The following PDE11A variants were observed in gnomAD, a reference collection of about 807,000 sequenced individuals.
PDE11A encodes dual 3',5'-cyclic-AMP and -GMP phosphodiesterase 11A.
Under a neutral mutation model 100.5 loss-of-function variants are expected in PDE11A, and 100 were observed. The ratio of observed to expected loss-of-function variants is 1.00; its 90% CI spans 0.85 to 1.18. The LOEUF (loss-of-function observed/expected upper bound fraction) is 1.18, where lower values mean the gene tolerates loss of function less well. Among genes scored for constraint, PDE11A ranks in the 50% most tolerant of loss-of-function variants. PDE11A has a pLI of 0.00. For synonymous variants in PDE11A, 381 were observed against 420.8 expected, an observed-to-expected ratio of 0.91 and a Z score of 1.16; for missense variants, 1,141 against 1,152.6, an observed-to-expected ratio of 0.99 and a Z score of 0.15.
At chr2:177,829,497 G>A (rs1432562552) in intron 6 of PDE11A, among the ~76,000 whole-genome samples, 1 of 151,944 alleles carries the variant, frequency 6.6e-6, no homozygotes, top group Admixed American at 6.6e-5. Flanking sequence ...AGGCTGGAAT[G>A]CAGTGGCATG....
intron 4 of PDE11A, among the ~76,000 whole-genome samples, chr2:177,890,441 C>A (rs2084512060): frequency 6.6e-6 from 1 of 152,180 alleles, no homozygotes; most frequent in Non-Finnish European, 1.5e-5. Context: ...TGTGCTCTAC[C>A]CAAGATGGCT....
intron 6 of PDE11A, among the ~76,000 whole-genome samples, chr2:177,835,783 G>A (rs991177270): frequency 8.5e-5 from 13 of 152,166 alleles, no homozygotes; most frequent in African/African-American, 1.4e-4. Context: ...AGCTGGTGCC[G>A]CCGGCCCTGG....
intron 3 of PDE11A, among the ~76,000 whole-genome samples, chr2:177,899,274 G>T (rs2084662679): frequency 6.6e-6 from 1 of 152,118 alleles, no homozygotes; most frequent in African/African-American, 2.4e-5. Flanking sequence ...GCCAGGCATG[G>T]TGGCATGTTC....
At chr2:177,818,692 G>T (rs1411422102) in intron 7 of PDE11A, among the ~76,000 whole-genome samples, 3 of 151,990 alleles carry the variant, frequency 2.0e-5, no homozygotes, top group African/African-American at 4.8e-5. Flanking sequence ...GCTACCAGGG[G>T]GTACATATAG....
intron 3 of PDE11A, among the ~76,000 whole-genome samples, chr2:177,903,596 A>T (rs2084732115): frequency 6.6e-6 from 1 of 152,230 alleles, no homozygotes; most frequent in African/African-American, 2.4e-5. Context: ...AAGGAGTTCA[A>T]AATGTAGTTG....
chr2:177,795,257 C>T (rs1206854658), intron 9 of PDE11A, among the ~76,000 whole-genome samples: 4 of 152,064 alleles, frequency 2.6e-5, no homozygotes. Context: ...TGGAAATAGA[C>T]ATATAAAAAT....
At chr2:178,074,621 T>G (rs2087184292), upstream of PDE11A, among the ~76,000 whole-genome samples, 1 of 152,294 alleles carries the variant, frequency 6.6e-6, no homozygotes, top group Non-Finnish European at 1.5e-5. Context: ...AAGCAGTTGT[T>G]TGGCATTTAT....
chr2:177,920,889 T>C (rs987301895), intron 2 of PDE11A, among the ~76,000 whole-genome samples: 3 of 151,888 alleles, frequency 2.0e-5, no homozygotes, highest in East Asian at 1.9e-4. Context: ...AGTGAAACCC[T>C]GTCTCTACTA....
chr2:178,103,179 C>G (rs1256849300), intron 2 of PDE11A, among the ~76,000 whole-genome samples: 2 of 122,270 alleles, frequency 1.6e-5, no homozygotes, highest in Non-Finnish European at 3.7e-5. Flanking sequence ...ATATACATTT[C>G]CAGTGGGGGG....
At position 177,680,073 on chromosome 2, in the gene PDE11A, C is replaced by T. The variant is rs148947990; in HGVS notation, c.2423+753G>A. On this transcript the variant is annotated intron_variant, in intron 16 of 19. Transcript: ENST00000286063. ...TGCCAGAGATTTTATATAGCAGATA[C>T]GGCAGGACTATGTCAAGGTTTCCGC... Among the ~76,000 whole-genome samples, 351 of 152,174 alleles carry T rather than the reference C, an allele frequency of 2.3e-3. 2 individuals carry two copies. The highest frequency in any genetic ancestry group is 8.2e-3 in the African/African-American group (339 of 41,524).
rs776490708 is a variant in PDE11A, at chr2:177,816,871, A to T, written c.1695T>A (p.Asp565Glu). ...GCTTGGCCCAGGACTTCTTCACTTG[A>T]TCATACATAATTGTGTTGTTGATGC... ...GLGINNTIMY[D>E]QVKKSWAKQS... is the part of the protein sequence containing the mutation. Residue 565 changes from aspartate to glutamate, a missense_variant, in exon 9 of 20, where the codon GAT becomes GAA. Asp to Glu is a conservative substitution (Grantham distance 45). Transcript: ENST00000286063. The T allele has an allele frequency of 2.5e-6, 4 of 1,610,994 alleles. No individual in the cohort carries two copies. In the African/African-American group the frequency reaches 5.3e-5, roughly 22 times the overall value.
chr2:177,998,197 CA>C, intron 2 of PDE11A: 1 of 853,416 alleles, frequency 1.2e-6, no homozygotes, highest in Non-Finnish European at 2.1e-6. Context: ...ATGAATAGAA[CA>C]AATTCTTCAT....
At chr2:177,741,449 T>C (rs1014302248) in intron 10 of PDE11A, among the ~76,000 whole-genome samples, 1 of 152,112 alleles carries the variant, frequency 6.6e-6, no homozygotes. Context: ...ACATATGAAT[T>C]TGGGAGTGGG....
chr2:177,902,075 G>C (rs1340244773), intron 3 of PDE11A, among the ~76,000 whole-genome samples: 1 of 152,178 alleles, frequency 6.6e-6, no homozygotes, highest in Non-Finnish European at 1.5e-5. Context: ...TTAGGCCTCT[G>C]AGCCCAAGCT....
intron 10 of PDE11A, among the ~76,000 whole-genome samples, chr2:177,732,268 C>A (rs1410394806): frequency 6.6e-6 from 1 of 152,166 alleles, no homozygotes; most frequent in Non-Finnish European, 1.5e-5. Flanking sequence ...CCAAACAATT[C>A]TTTACTCCTA....
At chr2:177,771,466 C>G (rs905064344) in intron 9 of PDE11A, among the ~76,000 whole-genome samples, 1 of 152,140 alleles carries the variant, frequency 6.6e-6, no homozygotes, top group Non-Finnish European at 1.5e-5. Context: ...CAGGCTGCCA[C>G]GCCTCCACTT....
In PDE11A at chr2:177,628,666, T is replaced by C. The variant is rs983837646; in HGVS notation, c.*741A>G. ...AGATTTCCTTCCACCCTTACTTTAA[T>C]CAAAATCTATCAATCCATTCCTTCT... On this transcript the variant is annotated 3_prime_UTR_variant, in exon 20 of 20. Transcript: ENST00000286063. The C allele has an allele frequency of 6.6e-6, 1 of 152,468 alleles. No homozygotes were observed. Among genetic ancestry groups the C allele is most frequent in the Non-Finnish European group, 1.5e-5 (1 of 68,246 alleles). The allele number at this position is 152,468 out of a possible 1,614,324, so 9.4% of individuals were successfully genotyped here.
intron 1 of PDE11A, among the ~76,000 whole-genome samples, chr2:178,057,608 CATT>C (rs2086914125): frequency 6.6e-6 from 1 of 152,174 alleles, no homozygotes; most frequent in Non-Finnish European, 1.5e-5. Context: ...CCAACATTGC[CATT>C]ATTAACTACA....
chr2:177,792,041 T>G (rs1029374772), intron 9 of PDE11A, among the ~76,000 whole-genome samples: 1 of 152,218 alleles, frequency 6.6e-6, no homozygotes, highest in African/African-American at 2.4e-5. Context: ...CTTAGTGAGA[T>G]TAAATATGGC....
Sources: gnomAD v4.1 joint callset for allele counts (sites outside exome capture counted in the v4.1 genomes callset) on GRCh38, gnomAD v4.1.1 for gene constraint, MANE v1.5 for transcripts, NCBI Gene and HGNC (gene_info 2026-07-23, HGNC 2026-07-21) for gene names.